Variants in ARID4B observed in about 807,000 individuals in gnomAD.
ARID4B encodes the protein AT-rich interaction domain 4B.
ARID4B carries 26 observed loss-of-function variants against 147.5 expected under a neutral mutation model. The observed-to-expected ratio is 0.18, with a 90% CI of 0.13 to 0.24. ARID4B has a LOEUF of 0.24. Ranked by LOEUF, ARID4B falls within the 10% of genes least tolerant of loss-of-function variation. ARID4B has a pLI of 1.00. For synonymous variants in ARID4B, 512 were observed against 507.9 expected, an observed-to-expected ratio of 1.01 and a Z score of -0.11; for missense variants, 1,179 against 1,511.5, an observed-to-expected ratio of 0.78 and a Z score of 3.65.
chr1:235,327,849 G>C lies in ARID4B; in HGVS notation c.-130C>G, dbSNP rs936781459. The stretch of plus-strand genomic sequence containing the variant: ...CCCCCCCAAAACCAGCAGGCCCGGG[G>C]GAGAGATGGGGAAGAAGGGCGGCGG... On this transcript the variant is annotated 5_prime_UTR_variant, in exon 1 of 24. Coordinates refer to ENST00000264183, the MANE Select transcript of ARID4B (RefSeq NM_016374.6). The C allele has an allele frequency of 6.6e-6, 1 of 152,662 alleles. No individual in the cohort carries two copies. The highest frequency in any genetic ancestry group is 1.5e-5 in the Non-Finnish European group (1 of 68,372). The allele number at this position is 152,662 out of a possible 1,614,324, so 9.5% of individuals were successfully genotyped here.
At chr1:235,319,823 T>C (rs996640022) in intron 2 of ARID4B, among the ~76,000 whole-genome samples, 1 of 151,612 alleles carries the variant, frequency 6.6e-6, no homozygotes, top group Non-Finnish European at 1.5e-5. Flanking sequence ...GAAACCCCAT[T>C]GCTACTAAAA....
chr1:235,254,628 G>C (rs1052703301), intron 5 of ARID4B, among the ~76,000 whole-genome samples: 2 of 151,550 alleles, frequency 1.3e-5, no homozygotes, highest in East Asian at 3.9e-4. Context: ...GCAGAGACAA[G>C]AATAAAGCAA....
intron 2 of ARID4B, among the ~76,000 whole-genome samples, chr1:235,322,324 A>C (rs1032539348): frequency 1.3e-5 from 2 of 152,016 alleles, no homozygotes; most frequent in African/African-American, 4.8e-5. Flanking sequence ...CTGGCCAAGA[A>C]AATTTTCGAC....
chr1:235,263,089 CTCAT>C, intron 2 of ARID4B, among the ~76,000 whole-genome samples: 1 of 152,248 alleles, frequency 6.6e-6, no homozygotes, highest in East Asian at 1.9e-4. Context: ...TGACCACAGG[CTCAT>C]AACTTTCCAC....
intron 2 of ARID4B, among the ~76,000 whole-genome samples, chr1:235,279,525 C>G (rs955046554): frequency 2.6e-5 from 4 of 152,142 alleles, no homozygotes; most frequent in African/African-American, 7.2e-5. Context: ...GCAAAGAAAT[C>G]AGCAATTGAG....
intron 2 of ARID4B, among the ~76,000 whole-genome samples, chr1:235,293,686 G>A (rs1022724106): frequency 2.0e-5 from 3 of 151,966 alleles, no homozygotes; most frequent in Non-Finnish European, 4.4e-5. Flanking sequence ...AAGGTGGAAA[G>A]ATGAAAGCAG....
intron 6 of ARID4B, among the ~76,000 whole-genome samples, chr1:235,247,928 C>A (rs561545587): frequency 1.3e-5 from 2 of 152,148 alleles, no homozygotes; most frequent in African/African-American, 4.8e-5. Flanking sequence ...GCAGAGGTTG[C>A]GGTGAGCCAA....
rs141317958 is a variant in ARID4B at position 235,188,040 on chromosome 1, G to T, written c.2126-5247C>A. Among the ~76,000 whole-genome samples, 396 of 152,004 alleles carry T rather than the reference G, an allele frequency of 2.6e-3. 3 individuals are homozygous for T. Among genetic ancestry groups the T allele is most frequent in the African/African-American group, 9.2e-3 (380 of 41,440 alleles). ...AAAAAAGAGTTTGTAATATGTTAAT[G>T]ATCCCATCTGTAAAAAGACTGCACA... On this transcript the variant is annotated intron_variant, in intron 19 of 23. Transcript: ENST00000264183.
chr1:235,172,832 C>T, intron 22 of ARID4B, 68 bp from the exon 23 acceptor site: 2 of 1,268,878 alleles, frequency 1.6e-6, no homozygotes, highest in East Asian at 2.7e-5. Flanking sequence ...AAGGAGAGAA[C>T]ATCGAGCATG....
chr1:235,252,418 A>T (rs978922995), intron 6 of ARID4B, among the ~76,000 whole-genome samples: 6 of 152,218 alleles, frequency 3.9e-5, no homozygotes, highest in African/African-American at 1.4e-4. Context: ...AGTAGATTAC[A>T]AATCAGAAAT....
intron 2 of ARID4B, among the ~76,000 whole-genome samples, chr1:235,281,782 C>A (rs1671687496): frequency 6.6e-6 from 1 of 152,156 alleles, no homozygotes; most frequent in Non-Finnish European, 1.5e-5. Flanking sequence ...GAGGTACTCT[C>A]ATGCAATTCT....
intron 2 of ARID4B, among the ~76,000 whole-genome samples, chr1:235,263,759 G>T (rs907011028): frequency 1.3e-5 from 2 of 151,792 alleles, no homozygotes; most frequent in Non-Finnish European, 2.9e-5. Context: ...AGGCTGAGGC[G>T]GGCGGATCAC....
At chr1:235,286,208 A>G (rs893048000) in intron 2 of ARID4B, among the ~76,000 whole-genome samples, 4 of 152,102 alleles carry the variant, frequency 2.6e-5, no homozygotes, top group Admixed American at 6.6e-5. Flanking sequence ...CTAATTTTTG[A>G]TAATTTGTAG....
At chr1:235,262,016 A>G (rs1280166561) in intron 2 of ARID4B, among the ~76,000 whole-genome samples, 1 of 152,240 alleles carries the variant, frequency 6.6e-6, no homozygotes, top group Non-Finnish European at 1.5e-5. Flanking sequence ...TATAATAGAG[A>G]AAATGATTAC....
intron 17 of ARID4B, among the ~76,000 whole-genome samples, chr1:235,213,294 C>T (rs1180358022): frequency 6.6e-6 from 1 of 152,112 alleles, no homozygotes; most frequent in Non-Finnish European, 1.5e-5. Flanking sequence ...CTGAATAAGG[C>T]TGTAATGCAA....
chr1:235,268,662 G>A (rs1572117128), intron 2 of ARID4B, among the ~76,000 whole-genome samples: 2 of 152,104 alleles, frequency 1.3e-5, no homozygotes, highest in East Asian at 3.8e-4. Flanking sequence ...CCAAGTAGCT[G>A]GGATTACAGG....
rs543960352 is a variant in ARID4B at position 235,252,636 on chromosome 1, A to G, written c.354+94T>C. ...TATTGTGTATTAATGAACTTTCCTGATTAGGAAGTAGGTTTACTGAGTTGA... is the reference window on the plus strand; with the variant it reads ...TATTGTGTATTAATGAACTTTCCTGGTTAGGAAGTAGGTTTACTGAGTTGA... On this transcript the variant is annotated intron_variant, in intron 6 of 23. Transcript: ENST00000264183. The G allele has an allele frequency of 1.9e-5, 19 of 991,590 alleles. No homozygotes were observed. The South Asian group carries it at 2.6e-4, about 14-fold the overall frequency. The allele number at this position is 991,590 out of a possible 1,614,324, so 61.4% of individuals were successfully genotyped here.
chr1:235,301,165 C>T (rs927213491), intron 2 of ARID4B, among the ~76,000 whole-genome samples: 2 of 148,858 alleles, frequency 1.3e-5, no homozygotes, highest in South Asian at 4.2e-4. Context: ...GGATTATAGG[C>T]GTGAGCCACC....
At chr1:235,246,616 C>G (rs1239488042) in intron 6 of ARID4B, 105 bp from the exon 7 acceptor site, 19 of 761,768 alleles carry the variant, frequency 2.5e-5, no homozygotes, top group Non-Finnish European at 3.5e-5. Flanking sequence ...TGAGATTAAA[C>G]TCTCCCCCCA....
Sources: gnomAD v4.1 joint callset for allele counts (sites outside exome capture counted in the v4.1 genomes callset) on GRCh38, gnomAD v4.1.1 for gene constraint, MANE v1.5 for transcripts, NCBI Gene and HGNC (gene_info 2026-07-23, HGNC 2026-07-21) for gene names.